Variants in CSMD1 observed in about 807,000 individuals in gnomAD.
The protein encoded by CSMD1 is CUB and sushi domain-containing protein 1.
CSMD1 carries 213 observed loss-of-function variants against 417.5 expected under a neutral mutation model. The ratio of observed to expected loss-of-function variants is 0.51; its 90% confidence interval spans 0.46 to 0.57. The LOEUF (loss-of-function observed/expected upper bound fraction) is 0.57, where lower values mean the gene tolerates loss of function less well. CSMD1 is among the 20% of genes least tolerant of loss of function. The probability of loss-of-function intolerance (pLI) is 0.00; values close to 1 mark genes in which losing one functional copy is unlikely to be tolerated. For synonymous variants in CSMD1, 2,862 were observed against 1,736.8 expected, an observed-to-expected ratio of 1.65 and a Z score of -16.11; for missense variants, 6,923 against 4,529.7, an observed-to-expected ratio of 1.53 and a Z score of -15.17.
At chr8:3,215,032 G>T (rs545913034) in intron 29 of CSMD1, among the ~76,000 whole-genome samples, 1 of 152,158 alleles carries the variant, frequency 6.6e-6, no homozygotes, top group East Asian at 1.9e-4. Context: ...CTGAATCAAA[G>T]AAAAATTGAC....
At chr8:3,923,898 T>C (rs1293198193) in intron 5 of CSMD1, among the ~76,000 whole-genome samples, 1 of 152,228 alleles carries the variant, frequency 6.6e-6, no homozygotes, top group African/African-American at 2.4e-5. Flanking sequence ...ATTTTTAAAA[T>C]ATATTGTCCT....
intron 5 of CSMD1, among the ~76,000 whole-genome samples, chr8:3,988,109 T>A (rs1307174035): frequency 6.6e-6 from 1 of 152,182 alleles, no homozygotes; most frequent in African/African-American, 2.4e-5. Context: ...TTTATACCCT[T>A]TTGATGTCAC....
intron 8 of CSMD1, among the ~76,000 whole-genome samples, chr8:3,614,205 C>T (rs1486526574): frequency 1.3e-5 from 2 of 152,006 alleles, no homozygotes; most frequent in African/African-American, 4.8e-5. Flanking sequence ...AACATAGAGA[C>T]ATATAAACAA....
At chr8:4,747,161 TA>T (rs1005202613) in intron 1 of CSMD1, among the ~76,000 whole-genome samples, 26 of 152,244 alleles carry the variant, frequency 1.7e-4, no homozygotes, top group African/African-American at 6.3e-4. Context: ...TCTTTACTTA[TA>T]GGGGGAGAGG....
chr8:4,327,555 C>A (rs1219170112), intron 3 of CSMD1, among the ~76,000 whole-genome samples: 1 of 152,064 alleles, frequency 6.6e-6, no homozygotes, highest in Non-Finnish European at 1.5e-5. Flanking sequence ...GTTGGCTTTC[C>A]TGTGGGGCGC....
At chr8:4,253,189 T>C (rs150522755) in intron 3 of CSMD1, among the ~76,000 whole-genome samples, 199 of 152,294 alleles carry the variant, frequency 1.3e-3, no homozygotes, top group African/African-American at 4.7e-3. Flanking sequence ...TCTATTCTCC[T>C]CTTCTACGAT....
chr8:4,618,644 C>T (rs115813771), intron 2 of CSMD1, among the ~76,000 whole-genome samples: 2,013 of 152,082 alleles, frequency 0.013, 33 homozygotes, highest in African/African-American at 0.037. Context: ...CTTGGGAAAC[C>T]GTTAAATTAT....
intron 3 of CSMD1, among the ~76,000 whole-genome samples, chr8:4,181,103 G>T (rs1798345498): frequency 6.6e-6 from 1 of 152,082 alleles, no homozygotes; most frequent in African/African-American, 2.4e-5. Context: ...TCCAACACAT[G>T]ATTGACCAGC....
chr8:3,560,968 G>C (rs1418840094), intron 10 of CSMD1, among the ~76,000 whole-genome samples: 3 of 152,086 alleles, frequency 2.0e-5, no homozygotes, highest in African/African-American at 7.2e-5. Flanking sequence ...ATCCCAATGG[G>C]CAGTGAAAAT....
chr8:3,298,488 C>T (rs549520714), intron 25 of CSMD1, among the ~76,000 whole-genome samples: 1 of 152,260 alleles, frequency 6.6e-6, no homozygotes, highest in East Asian at 1.9e-4. Context: ...GAGTCTTGAT[C>T]TGTTGACCAG....
At position 3,376,576 on chromosome 8, in the gene CSMD1, TTTG is replaced by T. The variant is rs1458379953; in HGVS notation, c.2783-7209_2783-7207del. On this transcript the variant is annotated intron_variant, in intron 18 of 69. Transcript: ENST00000635120. ...TGCATGATTCCAAATAAATTCTTTT[TTTG>T]TTGTTAAAACTATCTTTCTTTAATT... Among the ~76,000 whole-genome samples, 5 of 152,206 alleles carry T rather than the reference TTTG, an allele frequency of 3.3e-5. No homozygotes were observed. The East Asian group carries it at 9.6e-4, about 29-fold the overall frequency.
intron 10 of CSMD1, among the ~76,000 whole-genome samples, chr8:3,516,373 T>C (rs1037561942): frequency 2.0e-5 from 3 of 152,144 alleles, no homozygotes; most frequent in South Asian, 4.1e-4. Context: ...CTTAGTATAA[T>C]AGAAAAATAC....
At chr8:4,406,970 G>A (rs1367726926) in intron 3 of CSMD1, among the ~76,000 whole-genome samples, 3 of 152,168 alleles carry the variant, frequency 2.0e-5, no homozygotes, top group Non-Finnish European at 4.4e-5. Context: ...TTTCCTAAAC[G>A]AGGAAAATGT....
At chr8:3,325,809 G>A (rs764942014) in intron 23 of CSMD1, among the ~76,000 whole-genome samples, 4 of 152,176 alleles carry the variant, frequency 2.6e-5, no homozygotes, top group Non-Finnish European at 5.9e-5. Flanking sequence ...GGGCGACAGA[G>A]TGAGGCTCCG....
intron 1 of CSMD1, among the ~76,000 whole-genome samples, chr8:4,724,896 A>C (rs79018130): frequency 6.6e-6 from 1 of 152,126 alleles, no homozygotes; most frequent in East Asian, 1.9e-4. Context: ...TATAATATGA[A>C]TGAAACAAAT....
At chr8:4,441,250 A>G (rs1439955668) in intron 2 of CSMD1, among the ~76,000 whole-genome samples, 1 of 143,638 alleles carries the variant, frequency 7.0e-6, no homozygotes, top group African/African-American at 2.6e-5. Context: ...AGGCCTGAGC[A>G]CTACACTCAG....
At chr8:3,781,528 A>G (rs1262122546) in intron 5 of CSMD1, among the ~76,000 whole-genome samples, 1 of 152,066 alleles carries the variant, frequency 6.6e-6, no homozygotes, top group African/African-American at 2.4e-5. Flanking sequence ...GGACATGGAT[A>G]TATGGTCTAT....
At chr8:4,291,546 A>C (rs981043546) in intron 3 of CSMD1, among the ~76,000 whole-genome samples, 1 of 152,170 alleles carries the variant, frequency 6.6e-6, no homozygotes, top group African/African-American at 2.4e-5. Context: ...CACATAAAAA[A>C]ATTGCTTAGT....
intron 3 of CSMD1, among the ~76,000 whole-genome samples, chr8:4,293,021 G>C (rs779710134): frequency 3.9e-5 from 6 of 152,220 alleles, no homozygotes; most frequent in East Asian, 1.9e-4. Context: ...GGGAGGGAAA[G>C]TGTGGTTATG....
Sources: allele counts gnomAD v4.1 joint callset (sites outside exome capture counted in the v4.1 genomes callset), GRCh38; gene constraint gnomAD v4.1.1; transcripts MANE v1.5; gene names NCBI Gene and HGNC (gene_info 2026-07-23, HGNC 2026-07-21).